Variants in ZNF268 observed in about 807,000 individuals in gnomAD.
ZNF268 encodes the protein zinc finger protein 268.
In ZNF268, 20 loss-of-function variants were observed where a neutral mutation model predicts 29.3. The ratio of observed to expected loss-of-function variants is 0.68; its 90% CI spans 0.48 to 0.99. ZNF268 has a LOEUF of 0.99. Ranked by LOEUF, ZNF268 falls within the 50% of genes least tolerant of loss-of-function variation. The probability of loss-of-function intolerance (pLI) is 0.00; values close to 1 mark genes in which losing one functional copy is unlikely to be tolerated. For missense variants in ZNF268, 1,240 were observed against 1,121.6 expected (o/e 1.11, Z -1.51); for synonymous variants, 429 against 376.9 (o/e 1.14, Z -1.60).
chr12:133,202,633 A>C lies in ZNF268; in HGVS notation c.947A>C (p.Lys316Thr). The part of the protein sequence containing the change: ...CNECGKDFSS[K>T]SYLIVHQRIH... ...GAATGTGGGAAAGACTTCAGTAGTA[A>C]ATCATACCTCATTGTACATCAGAGA... Residue 316 changes from lysine (K) to threonine (T), a missense_variant, in exon 6 of 6, where the codon AAA becomes ACA. Transcript: ENST00000536435. 6.2e-7 allele frequency: 1 copy of C among 1,605,444 alleles called. No homozygotes were observed. The highest frequency in any genetic ancestry group is 8.5e-7 in the Non-Finnish European group (1 of 1,175,382).
rs923032745 is a variant in ZNF268 at position 133,211,329 on chromosome 12, C to T, written c.*6799C>T. ...AGGCACGGTGGCTCACGCCTGTAAT[C>T]CCAGCACTTTGGGAGGCCGAGGCGG... On this transcript the variant is annotated 3_prime_UTR_variant, in exon 6 of 6. Coordinates refer to ENST00000536435, the MANE Select transcript of ZNF268 (RefSeq NM_003415.3). The T allele has an allele frequency of 9.3e-6, 3 of 322,778 alleles. No individual in the cohort carries two copies. The highest frequency in any genetic ancestry group is 6.5e-5 in the African/African-American group (3 of 45,808). 20.0% of individuals were successfully genotyped at this position (322,778 alleles called of 1,614,324 possible).
intron 2 of ZNF268, among the ~76,000 whole-genome samples, chr12:133,186,131 G>A (rs1956308199): frequency 6.6e-6 from 1 of 152,088 alleles, no homozygotes; most frequent in African/African-American, 2.4e-5. Context: ...GTCCAGAAAG[G>A]GCTAGTTGGA....
Position 133,187,947 on chromosome 12 carries a change from C to T in ZNF268, c.109C>T (p.Gln37Ter). Residue 37 changes from glutamine (Q) to a stop codon, truncating the protein, a stop_gained, in exon 3 of 6, where the codon CAA becomes TAA. Transcript: ENST00000536435. LOFTEE classifies it high-confidence loss of function. ...CCAAGGTCAGGAATCCATCTTGGGC[C>T]AAGGGACTCCTGGTCTGCAACCTCT... is the stretch of plus-strand genomic sequence containing the variant. ...KLQGQESILGQGTPGLQPLPG... is the reference protein window; with the variant it reads ...KLQGQESILG The T allele has an allele frequency of 6.2e-7, 1 of 1,600,184 alleles. No individual in the cohort carries two copies. The highest frequency in any genetic ancestry group is 8.5e-7 in the Non-Finnish European group (1 of 1,173,234).
At chr12:133,189,362 G>A (rs531927410) in intron 3 of ZNF268, among the ~76,000 whole-genome samples, 25 of 151,806 alleles carry the variant, frequency 1.6e-4, no homozygotes, top group Admixed American at 3.3e-4. Context: ...CTACAGGTGC[G>A]CACTACCATA....
chr12:133,213,293 T>C lies in ZNF268; in HGVS notation c.*8763T>C, dbSNP rs1957012410. ...GGCACTGGATTTGGCAATGATTTATTGGATATGACACCAGAAGCATGGGAA... is the reference window on the plus strand; with the variant it reads ...GGCACTGGATTTGGCAATGATTTATCGGATATGACACCAGAAGCATGGGAA... On this transcript the variant is annotated 3_prime_UTR_variant, in exon 6 of 6. Transcript: ENST00000536435. The C allele has an allele frequency of 6.6e-6, 1 of 152,206 alleles. No homozygotes were observed. The highest frequency in any genetic ancestry group is 1.5e-5 in the Non-Finnish European group (1 of 68,042). The allele number at this position is 152,206 out of a possible 1,614,324, so 9.4% of individuals were successfully genotyped here.
In ZNF268 at chr12:133,202,293, T is replaced by C; in HGVS notation, c.607T>C (p.Cys203Arg). The C allele has an allele frequency of 1.9e-6, 3 of 1,612,670 alleles. No homozygotes were observed. The highest frequency in any genetic ancestry group is 1.7e-4 in the Middle Eastern group (1 of 6,060). Reference sequence around the variant, plus strand: ...TCTTTCAAGACAAAAACCTCATAAATGTGGCACGCATGGAAAGAGTTTGAA... The same window carrying C: ...TCTTTCAAGACAAAAACCTCATAAACGTGGCACGCATGGAAAGAGTTTGAA... ...KYLSRQKPHK[C>R]GTHGKSLKYI... Residue 203 changes from cysteine to arginine, a missense_variant, in exon 6 of 6, where the codon TGT (cysteine) becomes CGT (arginine). Around this residue, in one of 3 missense-constraint regions of ZNF268, gnomAD observed 1,177 missense variants for 1,039.6 expected, o/e 1.13. Transcript: ENST00000536435.
In ZNF268 at chr12:133,203,360, C is replaced by T; in HGVS notation, c.1674C>T (p.Cys558=). Reference sequence around the variant, plus strand: ...ATACAGGAGAGAACCCCTATGAATGCCATGAATGTGGGAAAGCCTTCAGTC... The same window carrying T: ...ATACAGGAGAGAACCCCTATGAATGTCATGAATGTGGGAAAGCCTTCAGTC... ...RIHTGENPYE[C]HECGKAFSRK... is the part of the protein sequence containing the mutation. Residue 558 remains cysteine, a synonymous_variant, in exon 6 of 6, where the codon TGC becomes TGT. Transcript: ENST00000536435. The T allele has an allele frequency of 1.3e-6, 2 of 1,548,358 alleles. No homozygotes were observed. The highest frequency in any genetic ancestry group is 1.7e-6 in the Non-Finnish European group (2 of 1,151,202).
intron 2 of ZNF268, among the ~76,000 whole-genome samples, chr12:133,186,961 A>C (rs140503636): frequency 1.1e-3 from 165 of 152,274 alleles, no homozygotes; most frequent in Non-Finnish European, 1.7e-3. Context: ...TATCACTAAG[A>C]GTATATATTG....
At chr12:133,189,973 A>G (rs1397383398) in intron 3 of ZNF268, among the ~76,000 whole-genome samples, 1 of 147,868 alleles carries the variant, frequency 6.8e-6, no homozygotes, top group East Asian at 1.9e-4. Flanking sequence ...ATGCCCGGCT[A>G]ATTTTTTTGT....
Position 133,191,914 on chromosome 12 carries a change from A to C in ZNF268, c.368A>C (p.Gln123Pro). The part of the protein sequence containing the change: ...NYSNLVSLGY[Q>P]HTKPDIIFKL... ...GTGATTTTTCTATTTATAGGGTACC[A>C]ACACACCAAACCTGATATCATCTTC... Residue 123 changes from glutamine to proline, a missense_variant, in exon 5 of 6, where the codon CAA becomes CCA. By Grantham distance (76) the Gln-to-Pro change is moderately conservative. Transcript: ENST00000536435. 5 of 1,614,116 alleles carry C rather than the reference A, an allele frequency of 3.1e-6. No individual in the cohort carries two copies. The highest frequency in any genetic ancestry group is 4.2e-6 in the Non-Finnish European group (5 of 1,179,968).
At position 133,203,170 on chromosome 12, in the gene ZNF268, C is replaced by A; in HGVS notation, c.1484C>A (p.Thr495Lys). The A allele has an allele frequency of 6.5e-7, 1 of 1,537,714 alleles. No homozygotes were observed. Among genetic ancestry groups the A allele is most frequent in the Admixed American group, 2.0e-5 (1 of 50,992 alleles). ...SQLIVHQRSH[T>K]GMKPYVCNEC... Reference sequence around the variant, plus strand: ...CTCATTGTACATCAGAGAAGTCACACAGGAATGAAACCTTATGTATGCAAT... The same window carrying A: ...CTCATTGTACATCAGAGAAGTCACAAAGGAATGAAACCTTATGTATGCAAT... The change falls in exon 6 of 6, where the codon ACA (threonine) becomes AAA (lysine). Residue 495 changes from threonine to lysine, a missense_variant. Physicochemically the swap from Thr to Lys is moderately conservative, Grantham distance 78 (BLOSUM62 -1). Coordinates refer to ENST00000536435, the MANE Select transcript of ZNF268 (RefSeq NM_003415.3).
Position 133,202,828 on chromosome 12 carries a change from C to A in ZNF268, c.1142C>A (p.Thr381Asn). The A allele has an allele frequency of 6.3e-7, 1 of 1,598,834 alleles. No individual in the cohort carries two copies. Among genetic ancestry groups the A allele is most frequent in the Non-Finnish European group, 8.5e-7 (1 of 1,175,058 alleles). The stretch of plus-strand genomic sequence containing the variant: ...GACCAGCTTGTTTCACACCAGAAAA[C>A]TCATTCAGGACAGAAACCATATGTG... Reference protein sequence around the residue: ...RKDQLVSHQKTHSGQKPYVCN... With the variant: ...RKDQLVSHQKNHSGQKPYVCN... The change falls in exon 6 of 6, where the codon ACT becomes AAT. Residue 381 changes from threonine to asparagine, a missense_variant. Transcript: ENST00000536435.
At chr12:133,193,983 G>A (rs1956538044) in intron 5 of ZNF268, among the ~76,000 whole-genome samples, 1 of 151,762 alleles carries the variant, frequency 6.6e-6, no homozygotes, top group Non-Finnish European at 1.5e-5. Context: ...TTTCCTTTCT[G>A]TGCAGGGCTC....
rs1006146907 is a variant in ZNF268, at chr12:133,208,031, T to C, written c.*3501T>C. 2.6e-5 allele frequency: 4 copies of C among 152,052 alleles called. No homozygotes were observed. The highest frequency in any genetic ancestry group is 7.3e-5 in the African/African-American group (3 of 41,378). The allele number at this position is 152,052 out of a possible 1,614,324, so 9.4% of individuals were successfully genotyped here. On this transcript the variant is annotated 3_prime_UTR_variant, in exon 6 of 6. Coordinates refer to ENST00000536435, the MANE Select transcript of ZNF268 (RefSeq NM_003415.3). ...AAAACACAAATGTCATACTTAATGA[T>C]AAAATAGTAGAAAGATTCCTTTAAA...
In ZNF268 at chr12:133,203,082, C is replaced by T; in HGVS notation, c.1396C>T (p.His466Tyr). The T allele has an allele frequency of 6.5e-7, 1 of 1,537,722 alleles. No individual in the cohort carries two copies. Among genetic ancestry groups the T allele is most frequent in the Non-Finnish European group, 8.7e-7 (1 of 1,146,942 alleles). ...ACAGCTCATTGTACATCAGGGGATT[C>T]ACACAGGAGTAAAGCCCTATGGGTG... ...KSQLIVHQGIHTGVKPYGCIQ... is the reference protein window; with the variant it reads ...KSQLIVHQGIYTGVKPYGCIQ... Residue 466 changes from histidine to tyrosine, a missense_variant, in exon 6 of 6, where the codon CAC becomes TAC. Physicochemically the swap from His to Tyr is moderately conservative, Grantham distance 83. Transcript: ENST00000536435.
chr12:133,188,471 A>G (rs1956380658), intron 3 of ZNF268, among the ~76,000 whole-genome samples: 1 of 152,180 alleles, frequency 6.6e-6, no homozygotes, highest in Admixed American at 6.5e-5. Context: ...TGCTGGGATG[A>G]CAGTCATGAG....
chr12:133,189,548 C>T (rs952727573), intron 3 of ZNF268, among the ~76,000 whole-genome samples: 1 of 152,118 alleles, frequency 6.6e-6, no homozygotes. Context: ...TGATTTATTG[C>T]TGTTATATAG....
In ZNF268 at chr12:133,214,237, T is replaced by C. The variant is rs1255406435; in HGVS notation, c.*9707T>C. ...AAAAATACAATGAGATAACACTCCA[T>C]ACCCATCAGAATGTCTTATTATTTT... On this transcript the variant is annotated 3_prime_UTR_variant, in exon 6 of 6. Coordinates refer to ENST00000536435, the MANE Select transcript of ZNF268 (RefSeq NM_003415.3). 1 of 152,218 alleles carries C rather than the reference T, an allele frequency of 6.6e-6. No homozygotes were observed. The highest frequency in any genetic ancestry group is 1.5e-5 in the Non-Finnish European group (1 of 68,038). The allele number at this position is 152,218 out of a possible 1,614,324, so 9.4% of individuals were successfully genotyped here. A position where few individuals can be genotyped will look rare whatever the true frequency, so the allele number is the denominator to read the frequency against.
rs143881096 is a variant in ZNF268, at chr12:133,183,771, C to T, written c.33+1741C>T. Among the ~76,000 whole-genome samples, 241 of 152,088 alleles carry T rather than the reference C, an allele frequency of 1.6e-3. 1 individual carries two copies. Among genetic ancestry groups the T allele is most frequent in the African/African-American group, 5.5e-3 (230 of 41,480 alleles). ...CAAAGTAGCTCAGGGAGAATGTGTA[C>T]CCTAAGAAGAGAACTGAGGACAGTG... On this transcript the variant is annotated intron_variant, in intron 2 of 5. Transcript: ENST00000536435.
Sources: gnomAD v4.1 joint callset for allele counts (sites outside exome capture counted in the v4.1 genomes callset) on GRCh38, gnomAD v4.1.1 for gene constraint, gnomAD v4.1.1 regional missense constraint, MANE v1.5 for transcripts, NCBI Gene and HGNC (gene_info 2026-07-23, HGNC 2026-07-21) for gene names.